Variants in SPMIP7 observed in about 807,000 individuals in gnomAD.
The protein encoded by SPMIP7 is sperm microtubule inner protein 7.
the SPMIP7 span, among the ~76,000 whole-genome samples, chr7:50,147,609 A>G: frequency 6.6e-6 from 1 of 152,220 alleles, no homozygotes; most frequent in Non-Finnish European, 1.5e-5. Flanking sequence ...CAATACATAT[A>G]TTCTACGTAT....
At chr7:50,102,098 C>T in the SPMIP7 span, among the ~76,000 whole-genome samples, 2 of 152,080 alleles carry the variant, frequency 1.3e-5, no homozygotes, top group Non-Finnish European at 2.9e-5. Context: ...CCGAGGCAGG[C>T]GGATTATCTG....
chr7:50,131,535 C>T, the SPMIP7 span, among the ~76,000 whole-genome samples: 1 of 152,020 alleles, frequency 6.6e-6, no homozygotes, highest in African/African-American at 2.4e-5. Flanking sequence ...TGAATGAGAA[C>T]ACTAAAGGTG....
the SPMIP7 span, among the ~76,000 whole-genome samples, chr7:50,155,861 C>CTT: frequency 1.4e-5 from 2 of 148,120 alleles, 1 homozygote; most frequent in Non-Finnish European, 3.0e-5. Flanking sequence ...GCACATACAG[C>CTT]TCTCATCCAT....
chr7:50,096,608 C>A, the SPMIP7 span: 1 of 1,549,132 alleles, frequency 6.5e-7, no homozygotes, highest in East Asian at 2.4e-5. Context: ...CAGGGAAGTA[C>A]CAGACATTTC....
the SPMIP7 span, among the ~76,000 whole-genome samples, chr7:50,114,965 G>T: frequency 6.7e-6 from 1 of 150,120 alleles, no homozygotes; most frequent in Non-Finnish European, 1.5e-5. Flanking sequence ...GGGAGGCAGA[G>T]GTTGCAGTGA....
At chr7:50,124,433 C>A in the SPMIP7 span, among the ~76,000 whole-genome samples, 79,060 of 151,902 alleles carry the variant, frequency 0.52, 21,548 homozygotes, top group East Asian at 0.73. Flanking sequence ...ACTAAATATT[C>A]TTTTCAAATG....
chr7:50,096,513 C>T, the SPMIP7 span: 7 of 1,551,566 alleles, frequency 4.5e-6, no homozygotes, highest in Non-Finnish European at 6.1e-6. Flanking sequence ...CATCGAGTTC[C>T]CAGACCAGAC....
At chr7:50,131,511 T>C in the SPMIP7 span, among the ~76,000 whole-genome samples, 16 of 152,070 alleles carry the variant, frequency 1.1e-4, no homozygotes, top group Non-Finnish European at 1.9e-4. Context: ...GAAAGGTATG[T>C]AAAGCCATGG....
chr7:50,159,092 C>A, the SPMIP7 span: 1 of 1,551,958 alleles, frequency 6.4e-7, no homozygotes, highest in Admixed American at 2.0e-5. Flanking sequence ...TCACCAGGCT[C>A]CCCTGTCTCG....
the SPMIP7 span, among the ~76,000 whole-genome samples, chr7:50,104,855 T>C: frequency 6.6e-6 from 1 of 152,182 alleles, no homozygotes; most frequent in Non-Finnish European, 1.5e-5. Flanking sequence ...CACTAGCTTC[T>C]TTTCCTTCTC....
chr7:50,153,240 G>A, the SPMIP7 span, among the ~76,000 whole-genome samples: 1 of 152,334 alleles, frequency 6.6e-6, no homozygotes, highest in Non-Finnish European at 1.5e-5. Flanking sequence ...AGAGCTTTCT[G>A]AAAAGGTGAC....
At chr7:50,096,223 T>G in the SPMIP7 span, 1 of 1,551,612 alleles carries the variant, frequency 6.4e-7, no homozygotes, top group East Asian at 2.4e-5. Context: ...TTGTGAAAGG[T>G]CTTGAGAACA....
the SPMIP7 span, chr7:50,120,360 A>T: frequency 6.6e-6 from 1 of 152,186 alleles, no homozygotes; most frequent in South Asian, 2.1e-4. Context: ...GTAGCCAATT[A>T]TATTTTCCAG....
chr7:50,107,362 C>CAAAAAAAAAA, the SPMIP7 span, among the ~76,000 whole-genome samples: 3 of 16,644 alleles, frequency 1.8e-4, no homozygotes, highest in African/African-American at 2.9e-4. Context: ...GACTCTGTCT[C>CAAAAAAAAAA]AAAAAAAAAA....
chr7:50,152,608 G>A, the SPMIP7 span, among the ~76,000 whole-genome samples: 1 of 152,110 alleles, frequency 6.6e-6, no homozygotes, highest in African/African-American at 2.4e-5. Context: ...CCCCCAAAAG[G>A]AGAGCTTGTT....
the SPMIP7 span, among the ~76,000 whole-genome samples, chr7:50,127,164 GT>G: frequency 2.6e-5 from 4 of 151,998 alleles, no homozygotes; most frequent in Non-Finnish European, 5.9e-5. Flanking sequence ...GAAAAGGACA[GT>G]CTTTTCCATA....
the SPMIP7 span, among the ~76,000 whole-genome samples, chr7:50,125,175 T>TATATACAC: frequency 4.8e-5 from 1 of 21,004 alleles, no homozygotes; most frequent in African/African-American, 2.6e-4. Context: ...TATATACACA[T>TATATACAC]ATATATACAC....
At chr7:50,157,614 C>T in the SPMIP7 span, among the ~76,000 whole-genome samples, 3 of 152,158 alleles carry the variant, frequency 2.0e-5, no homozygotes, top group African/African-American at 7.2e-5. Context: ...GATGTGGTCA[C>T]TATATAGAGG....
chr7:50,134,011 G>A, the SPMIP7 span: 1 of 1,107,978 alleles, frequency 9.0e-7, no homozygotes, highest in African/African-American at 1.6e-5. Context: ...GATCCTCAGG[G>A]TCATCTTCGG....
Sources: allele counts gnomAD v4.1 joint callset (sites outside exome capture counted in the v4.1 genomes callset), GRCh38; gene constraint gnomAD v4.1.1; transcripts MANE v1.5; gene names NCBI Gene and HGNC (gene_info 2026-07-23, HGNC 2026-07-21).